CDH15: variants seen among roughly 807,000 people sequenced by gnomAD.
The protein encoded by CDH15 is cadherin-15.
A neutral mutation model predicts 69.4 loss-of-function variants in CDH15; 73 were observed. The ratio of observed to expected loss-of-function variants is 1.05; its 90% CI spans 0.87 to 1.28. The LOEUF is 1.28. CDH15 is among the 50% of genes most tolerant of loss of function. The pLI, the probability that CDH15 is intolerant of heterozygous loss-of-function variation, is 0.00. For missense variants in CDH15, 1,343 were observed against 1,133.6 expected (o/e 1.18, Z -2.65); for synonymous variants, 624 against 507.7 (o/e 1.23, Z -3.08).
Position 89,180,208 on chromosome 16 carries a change from G to C in CDH15, c.210G>C (p.Ser70=), listed in dbSNP as rs146336118. Residue 70 remains serine, a synonymous_variant, in exon 3 of 14, where the codon TCG becomes TCC. Coordinates refer to ENST00000289746, the MANE Select transcript of CDH15 (RefSeq NM_004933.3). Reference sequence around the variant, plus strand: ...CATTTCCTGCCCCACAGATCAAGTCGGACAAGCAGCAGCTGGGCAGCGTCA... The same window carrying C: ...CATTTCCTGCCCCACAGATCAAGTCCGACAAGCAGCAGCTGGGCAGCGTCA... ...RLPYPLVQIK[S]DKQQLGSVIY... is the part of the protein sequence containing the mutation. The C allele has an allele frequency of 4.6e-5, 74 of 1,610,786 alleles. 3 individuals carry two copies. In the Admixed American group the frequency reaches 9.8e-4, roughly 21 times the overall value.
At position 89,183,582 on chromosome 16, in the gene CDH15, C is replaced by T; in HGVS notation, c.392C>T (p.Thr131Ile). ...TTTGCCCTGGACCTGGGAGGATCCA[C>T]CCTGGAGGACCCCACGGACCTGGAG... Reference protein sequence around the residue: ...RAFALDLGGSTLEDPTDLEIV... With the variant: ...RAFALDLGGSILEDPTDLEIV... The change falls in exon 4 of 14, where the codon ACC becomes ATC. Residue 131 changes from threonine to isoleucine, a missense_variant. Coordinates refer to ENST00000289746, the MANE Select transcript of CDH15 (RefSeq NM_004933.3). The T allele has an allele frequency of 1.2e-6, 2 of 1,614,150 alleles. No homozygotes were observed. Among genetic ancestry groups the T allele is most frequent in the Non-Finnish European group, 8.5e-7 (1 of 1,180,040 alleles).
chr16:89,190,747 A>C (rs1436745087), intron 8 of CDH15, among the ~76,000 whole-genome samples: 4 of 152,032 alleles, frequency 2.6e-5, no homozygotes, highest in Admixed American at 2.0e-4. Context: ...TGTCCATCCC[A>C]GGAGGCCCTT....
intron 1 of CDH15, among the ~76,000 whole-genome samples, chr16:89,175,530 C>T (rs1182678477): frequency 1.3e-5 from 2 of 152,176 alleles, no homozygotes; most frequent in Admixed American, 6.5e-5. Flanking sequence ...GTGAAGGGAC[C>T]ACCACAGGCT....
At chr16:89,187,287 C>T (rs1008673502) in intron 5 of CDH15, 142 bp from the exon 6 acceptor site, 14 of 904,136 alleles carry the variant, frequency 1.5e-5, no homozygotes, top group Non-Finnish European at 2.1e-5. Context: ...GCAGGATTCT[C>T]AGGGCCACTT....
At chr16:89,184,218 G>A (rs533490030) in intron 4 of CDH15, among the ~76,000 whole-genome samples, 3 of 152,272 alleles carry the variant, frequency 2.0e-5, no homozygotes, top group African/African-American at 4.8e-5. Context: ...CTCATATCCC[G>A]CCTCAGTTTC....
chr16:89,181,661 C>T (rs757745212), intron 3 of CDH15, among the ~76,000 whole-genome samples: 10 of 151,586 alleles, frequency 6.6e-5, no homozygotes, highest in East Asian at 1.9e-4. Flanking sequence ...AAAAGAGGAC[C>T]GGGTGCGGTG....
chr16:89,180,166 G>A, intron 2 of CDH15, 34 bp from the exon 3 acceptor site: 3 of 1,608,274 alleles, frequency 1.9e-6, no homozygotes, highest in Non-Finnish European at 2.5e-6. Flanking sequence ...CCCGCCCGGA[G>A]CAGCTCTCCC....
chr16:89,194,846 C>T lies in CDH15; in HGVS notation c.2152-16C>T. ...GGCCCCTCCATGTGTCTTGAGCTCT[C>T]CGGGCCTCTTTATAGGGCTTGGAGG... On this transcript the variant is annotated splice_polypyrimidine_tract_variant and intron_variant, in intron 13 of 13. Transcript: ENST00000289746. 6.3e-7 allele frequency: 1 copy of T among 1,593,566 alleles called. No individual in the cohort carries two copies. Among genetic ancestry groups the T allele is most frequent in the Non-Finnish European group, 8.6e-7 (1 of 1,169,012 alleles).
rs183058692 is a variant in CDH15, at chr16:89,177,229, G to T, written c.43-2187G>T. 1.3e-4 allele frequency among the ~76,000 whole-genome samples: 20 copies of T among 152,272 alleles called. No homozygotes were observed. In the East Asian group the frequency reaches 3.7e-3, roughly 28 times the overall value. On this transcript the variant is annotated intron_variant, in intron 1 of 13. Transcript: ENST00000289746. ...TCTCTCACCCCCACAGCCCTGCAGT[G>T]GGGGGCTGGGAAGGTCGGGGTACCC...
At chr16:89,185,563 G>C in intron 5 of CDH15, 1 of 606,444 alleles carries the variant, frequency 1.6e-6, no homozygotes, top group Non-Finnish European at 3.0e-6. Flanking sequence ...GGGCGTGAGG[G>C]GCCCGGCACA....
chr16:89,191,967 G>A, intron 10 of CDH15, 73 bp downstream of exon 10: 1 of 1,416,392 alleles, frequency 7.1e-7, no homozygotes, highest in Non-Finnish European at 9.5e-7. Context: ...CCTCGGACGG[G>A]GGCAGGAGGG....
chr16:89,183,256 G>A (rs1915415825), intron 3 of CDH15: 1 of 398,884 alleles, frequency 2.5e-6, no homozygotes, highest in East Asian at 4.3e-5. Flanking sequence ...AGAGAGATTA[G>A]GAACCCTCTG....
At chr16:89,175,493 C>G (rs1915239058) in intron 1 of CDH15, among the ~76,000 whole-genome samples, 1 of 152,238 alleles carries the variant, frequency 6.6e-6, no homozygotes. Context: ...CTCAGGCTCT[C>G]TGAACCTCAC....
rs1305052600 is a variant in CDH15, at chr16:89,192,471, G to T, written c.1855+27G>T. 2.6e-6 allele frequency: 4 copies of T among 1,555,038 alleles called. No homozygotes were observed. The South Asian group carries it at 4.7e-5, about 18-fold the overall frequency. On this transcript the variant is annotated intron_variant, in intron 11 of 13. Coordinates refer to ENST00000289746, the MANE Select transcript of CDH15 (RefSeq NM_004933.3). ...TGAGTGAGCGCCCCGCCTCCACCTG[G>T]ACCCTCGGACCCTCGGACCCTCCTC...
In CDH15 at chr16:89,187,456, C is replaced by T; in HGVS notation, c.691C>T (p.Gln231Ter). 6.2e-7 allele frequency: 1 copy of T among 1,613,448 alleles called. No individual in the cohort carries two copies. Residue 231 changes from glutamine (Q) to a stop codon, truncating the protein, a stop_gained, in exon 6 of 14, where the codon CAG becomes TAG. Coordinates refer to ENST00000289746, the MANE Select transcript of CDH15 (RefSeq NM_004933.3). LOFTEE classifies it high-confidence loss of function. ...EVVAVYNLTL[Q>*]VADMSGDGLT... is the part of the protein sequence containing the mutation. ...GGTCGCGGTGTACAATCTGACCCTG[C>T]AGGTGGCGGACATGTCTGGAGACGG...
chr16:89,193,571 A>T lies in CDH15; in HGVS notation c.1957A>T (p.Asn653Tyr). ...GGACGACCTTCGAGACAATGTCCTC[A>T]ACTACGATGAGCAAGGAGGCGGGGA... ...PQDDLRDNVL[N>Y]YDEQGGGEED... Residue 653 changes from asparagine to tyrosine, a missense_variant, in exon 12 of 14, where the codon AAC (asparagine) becomes TAC (tyrosine). Asn to Tyr is a moderately radical substitution (Grantham distance 143). Coordinates refer to ENST00000289746, the MANE Select transcript of CDH15 (RefSeq NM_004933.3). 1 of 1,609,286 alleles carries T rather than the reference A, an allele frequency of 6.2e-7. No individual in the cohort carries two copies. Among genetic ancestry groups the T allele is most frequent in the Non-Finnish European group, 8.5e-7 (1 of 1,178,648 alleles).
intron 2 of CDH15, among the ~76,000 whole-genome samples, chr16:89,179,880 C>T (rs1021807547): frequency 7.9e-5 from 12 of 152,220 alleles, no homozygotes; most frequent in African/African-American, 2.7e-4. Context: ...TGTTCGCCGA[C>T]GCTGAGTAGA....
At chr16:89,180,162 C>A (rs202139299) in intron 2 of CDH15, 38 bp from the exon 3 acceptor site, 1 of 1,607,046 alleles carries the variant, frequency 6.2e-7, no homozygotes, top group East Asian at 2.2e-5. Context: ...GGCCCCCGCC[C>A]GGAGCAGCTC....
chr16:89,174,896 C>T (rs889343374), intron 1 of CDH15, among the ~76,000 whole-genome samples: 2 of 152,210 alleles, frequency 1.3e-5, no homozygotes, highest in African/African-American at 2.4e-5. Context: ...TGGCTTTGTC[C>T]TGGGCACCGG....
Sources: allele counts gnomAD v4.1 joint callset (sites outside exome capture counted in the v4.1 genomes callset), GRCh38; gene constraint gnomAD v4.1.1; transcripts MANE v1.5; gene names NCBI Gene and HGNC (gene_info 2026-07-23, HGNC 2026-07-21).